The following OIT3 variants were observed in gnomAD, a reference collection of about 807,000 sequenced individuals.
OIT3 encodes the protein oncoprotein-induced transcript 3 protein.
In OIT3, 41 loss-of-function variants were observed where a neutral mutation model predicts 52.2. That is an observed-to-expected ratio of 0.79 (90% CI 0.61 to 1.02). OIT3 has a LOEUF of 1.02. Ranked by LOEUF, OIT3 falls within the 50% of genes least tolerant of loss-of-function variation. The pLI is 0.00. For missense variants in OIT3, 634 were observed against 715.5 expected, an observed-to-expected ratio of 0.89 and a Z score of 1.30; for synonymous variants, 244 against 276.9, an observed-to-expected ratio of 0.88 and a Z score of 1.18.
chr10:72,924,487 C>G lies in OIT3; in HGVS notation c.1210C>G (p.Arg404Gly), dbSNP rs141975285. Reference sequence around the variant, plus strand: ...GGACAATGAGTTTGAAGAGCCTTACCGGGAAGCTCTGCCCACCCTCAAGCT... The same window carrying G: ...GGACAATGAGTTTGAAGAGCCTTACGGGGAAGCTCTGCCCACCCTCAAGCT... ...FKDNEFEEPY[R>G]EALPTLKLRD... Residue 404 changes from arginine to glycine, a missense_variant, in exon 7 of 9, where the codon CGG becomes GGG. Arg to Gly is a moderately radical substitution (Grantham distance 125, BLOSUM62 -2). Coordinates refer to ENST00000334011, the MANE Select transcript of OIT3 (RefSeq NM_152635.3). 5 of 1,614,156 alleles carry G rather than the reference C, an allele frequency of 3.1e-6. No individual in the cohort carries two copies. The African/African-American group carries it at 6.7e-5, about 22-fold the overall frequency.
At chr10:72,918,685 G>A (rs756722689) in intron 6 of OIT3, among the ~76,000 whole-genome samples, 1 of 152,158 alleles carries the variant, frequency 6.6e-6, no homozygotes, top group Non-Finnish European at 1.5e-5. Context: ...GTGTAAGGAA[G>A]GGGTCCAGTT....
At chr10:72,910,426 C>T (rs376106922) in intron 4 of OIT3, among the ~76,000 whole-genome samples, 11 of 151,876 alleles carry the variant, frequency 7.2e-5, no homozygotes, top group African/African-American at 1.9e-4. Context: ...GAGGCCGAGG[C>T]GGGTAGATCA....
At chr10:72,925,437 G>A (rs1431767489) in intron 7 of OIT3, among the ~76,000 whole-genome samples, 1 of 152,198 alleles carries the variant, frequency 6.6e-6, no homozygotes, top group Non-Finnish European at 1.5e-5. Flanking sequence ...AGATGGCAGA[G>A]CATGTGTGAA....
At chr10:72,920,622 A>G (rs1452597449) in intron 6 of OIT3, among the ~76,000 whole-genome samples, 3 of 152,132 alleles carry the variant, frequency 2.0e-5, no homozygotes, top group African/African-American at 4.8e-5. Flanking sequence ...AGATTCTGGT[A>G]TGTTGTATCT....
intron 5 of OIT3, 120 bp from the exon 6 acceptor site, chr10:72,913,188 C>CT: frequency 1.4e-6 from 1 of 702,170 alleles, no homozygotes; most frequent in South Asian, 3.2e-5. Context: ...TTCAGCCCCT[C>CT]TGATTTCCTT....
chr10:72,928,039 A>C (rs918817349), intron 7 of OIT3, among the ~76,000 whole-genome samples: 11 of 152,136 alleles, frequency 7.2e-5, no homozygotes, highest in African/African-American at 2.7e-4. Context: ...ACCTAAAATA[A>C]ACATAGCTCA....
chr10:72,918,264 C>T (rs1394982598), intron 6 of OIT3: 47 of 799,588 alleles, frequency 5.9e-5, no homozygotes, highest in Non-Finnish European at 9.8e-5. Flanking sequence ...TATTTCAAAG[C>T]CCCCAAGAGA....
intron 7 of OIT3, among the ~76,000 whole-genome samples, chr10:72,929,112 G>T (rs1348026526): frequency 6.6e-6 from 1 of 152,020 alleles, no homozygotes; most frequent in Non-Finnish European, 1.5e-5. Context: ...TGAGGCAGGA[G>T]AATTGCTTGA....
rs767151676 is a variant in OIT3, at chr10:72,932,399, G to C, written c.1513G>C (p.Glu505Gln). 27 of 1,614,062 alleles carry C rather than the reference G, an allele frequency of 1.7e-5. No individual in the cohort carries two copies. Among genetic ancestry groups the C allele is most frequent in the Non-Finnish European group, 1.7e-5 (20 of 1,180,016 alleles). ...CRVLVCGVLD[E>Q]RSRCAQGCHR... ...GGTTCTTGTCTGTGGAGTGTTGGAC[G>C]AGCGTTCCCGCTGTGCCCAGGGTTG... Residue 505 changes from glutamate to glutamine, a missense_variant, in exon 9 of 9, where the codon GAG becomes CAG. Glu to Gln is a conservative substitution (Grantham distance 29). Transcript: ENST00000334011.
At chr10:72,917,450 G>T (rs1589527323) in intron 6 of OIT3, among the ~76,000 whole-genome samples, 1 of 152,106 alleles carries the variant, frequency 6.6e-6, no homozygotes. Context: ...AAAGGGTGGA[G>T]TTCCATCTTT....
intron 7 of OIT3, 48 bp from the exon 8 acceptor site, chr10:72,930,490 C>A: frequency 2.2e-6 from 3 of 1,370,840 alleles, no homozygotes; most frequent in Non-Finnish European, 3.1e-6. Context: ...TGTTTTTCCA[C>A]CTCTGTTGAA....
At chr10:72,911,207 G>A (rs1266664924) in intron 4 of OIT3, among the ~76,000 whole-genome samples, 1 of 152,156 alleles carries the variant, frequency 6.6e-6, no homozygotes, top group African/African-American at 2.4e-5. Context: ...TGTGCTATCA[G>A]CCCAAAGCCG....
chr10:72,898,016 T>C (rs1845891551), intron 1 of OIT3, among the ~76,000 whole-genome samples: 1 of 151,962 alleles, frequency 6.6e-6, no homozygotes, highest in South Asian at 2.1e-4. Context: ...GAGCACCAGA[T>C]TCATGCCTGT....
chr10:72,904,377 C>T (rs768604603), intron 3 of OIT3, among the ~76,000 whole-genome samples: 6 of 152,112 alleles, frequency 3.9e-5, no homozygotes, highest in African/African-American at 7.2e-5. Flanking sequence ...CCAAGATAAG[C>T]AGTCCAGGCT....
In OIT3 at chr10:72,898,761, C is replaced by T; in HGVS notation, c.159C>T (p.Asn53=). ...DESQGPPLCD[N]HVNGEWYHFT... ...CTCAAGGTCCTCCTCTATGTGACAA[C>T]CATGTGAATGGGGAGTGGTACCACT... The change falls in exon 2 of 9, where the codon AAC becomes AAT. Residue 53 remains asparagine (N), a synonymous_variant. Transcript: ENST00000334011. 1 of 1,614,158 alleles carries T rather than the reference C, an allele frequency of 6.2e-7. No individual in the cohort carries two copies. Among genetic ancestry groups the T allele is most frequent in the East Asian group, 2.2e-5 (1 of 44,882 alleles).
chr10:72,930,407 C>G, intron 7 of OIT3, 131 bp from the exon 8 acceptor site: 1 of 695,662 alleles, frequency 1.4e-6, no homozygotes, highest in Non-Finnish European at 2.6e-6. Context: ...TTCTTTCATT[C>G]CCAAAAAGCT....
chr10:72,924,108 A>G (rs1321751657), intron 6 of OIT3, 121 bp from the exon 7 acceptor site: 2 of 868,858 alleles, frequency 2.3e-6, no homozygotes, highest in East Asian at 2.5e-5. Flanking sequence ...CTTCATCCTT[A>G]GGCAACCAAA....
chr10:72,918,857 G>C (rs988260281), intron 6 of OIT3, among the ~76,000 whole-genome samples: 1 of 152,134 alleles, frequency 6.6e-6, no homozygotes, highest in African/African-American at 2.4e-5. Flanking sequence ...CCAATACCAT[G>C]CTGTTTTGAT....
At chr10:72,919,042 A>G (rs887620272) in intron 6 of OIT3, among the ~76,000 whole-genome samples, 3 of 152,216 alleles carry the variant, frequency 2.0e-5, no homozygotes, top group African/African-American at 4.8e-5. Context: ...GTGAGTCTAT[A>G]AATTGCTTTG....
Sources: allele counts gnomAD v4.1 joint callset (sites outside exome capture counted in the v4.1 genomes callset), GRCh38; gene constraint gnomAD v4.1.1; transcripts MANE v1.5; gene names NCBI Gene and HGNC (gene_info 2026-07-23, HGNC 2026-07-21).